The following PRKN variants were observed in gnomAD, a reference collection of about 807,000 sequenced individuals.
PRKN encodes E3 ubiquitin-protein ligase parkin.
Under a neutral mutation model 59.5 loss-of-function variants are expected in PRKN, and 56 were observed. That is an observed-to-expected ratio of 0.94 (90% CI 0.76 to 1.18). The LOEUF (loss-of-function observed/expected upper bound fraction) is 1.18. PRKN is among the 50% of genes most tolerant of loss of function. The probability of loss-of-function intolerance (pLI) is 0.00; values close to 1 mark genes in which losing one functional copy is unlikely to be tolerated. For synonymous variants in PRKN, 250 were observed against 222.1 expected, an observed-to-expected ratio of 1.13 and a Z score of -1.12; for missense variants, 657 against 596.4, an observed-to-expected ratio of 1.10 and a Z score of -1.06.
chr6:161,676,898 G>T (rs1001605403), intron 7 of PRKN, among the ~76,000 whole-genome samples: 1 of 152,192 alleles, frequency 6.6e-6, no homozygotes, highest in African/African-American at 2.4e-5. Context: ...ACAGCTCCTT[G>T]GTGGTGTAAT....
intron 2 of PRKN, among the ~76,000 whole-genome samples, chr6:162,304,533 A>AC (rs1782134546): frequency 7.9e-6 from 1 of 126,512 alleles, no homozygotes; most frequent in African/African-American, 3.5e-5. Context: ...CTATCTATCT[A>AC]TCTATCTATC....
Position 161,981,453 on chromosome 6 carries a change from G to C in PRKN, c.619-8036C>G, listed in dbSNP as rs535826335. 1.1e-3 allele frequency among the ~76,000 whole-genome samples: 175 copies of C among 152,272 alleles called. 2 individuals are homozygous for C. Among genetic ancestry groups the C allele is most frequent in the African/African-American group, 4.0e-3 (168 of 41,548 alleles). On this transcript the variant is annotated intron_variant, in intron 5 of 11. Coordinates refer to ENST00000366898, the MANE Select transcript of PRKN (RefSeq NM_004562.3). Reference sequence around the variant, plus strand: ...CCAGCTATTTGGGAGGCTGAGGCAGGAGGATCGCTTGAGCCCAGGAATTTG... The same window carrying C: ...CCAGCTATTTGGGAGGCTGAGGCAGCAGGATCGCTTGAGCCCAGGAATTTG...
At chr6:162,654,745 T>C (rs1778576209) in intron 1 of PRKN, among the ~76,000 whole-genome samples, 2 of 152,260 alleles carry the variant, frequency 1.3e-5, no homozygotes, top group East Asian at 1.9e-4. Flanking sequence ...CAGTTCCACA[T>C]GGCTGGGGAG....
At chr6:162,144,537 G>A (rs1468515471) in intron 4 of PRKN, among the ~76,000 whole-genome samples, 3 of 152,128 alleles carry the variant, frequency 2.0e-5, no homozygotes, top group Non-Finnish European at 4.4e-5. Context: ...GAGCCTTCCT[G>A]GGAGCTGGCT....
intron 7 of PRKN, among the ~76,000 whole-genome samples, chr6:161,665,225 A>G (rs1784683499): frequency 6.6e-6 from 1 of 152,114 alleles, no homozygotes; most frequent in African/African-American, 2.4e-5. Context: ...ATTTAGTATT[A>G]TGTTCCTAAA....
At chr6:162,616,809 G>C (rs541873648) in intron 1 of PRKN, among the ~76,000 whole-genome samples, 1 of 152,126 alleles carries the variant, frequency 6.6e-6, no homozygotes, top group South Asian at 2.1e-4. Context: ...CAATATAATC[G>C]AGAAATGCTC....
At position 162,322,965 on chromosome 6, in the gene PRKN, A is replaced by G. The variant is rs562092358; in HGVS notation, c.172-60200T>C. ...AAATCATCATTCTCAGTAAACTATC[A>G]CAAGAATGAAAAACCAAACACCGCA... On this transcript the variant is annotated intron_variant, in intron 2 of 11. Transcript: ENST00000366898. Among the ~76,000 whole-genome samples, 218 of 151,444 alleles carry G rather than the reference A, an allele frequency of 1.4e-3. 1 individual carries two copies. Among genetic ancestry groups the G allele is most frequent in the Middle Eastern group, 3.4e-3 (1 of 292 alleles).
chr6:161,437,410 T>C (rs1404554382), intron 9 of PRKN, among the ~76,000 whole-genome samples: 2 of 152,132 alleles, frequency 1.3e-5, no homozygotes, highest in African/African-American at 2.4e-5. Context: ...AATTTAAAAC[T>C]TAGGAAGTGT....
chr6:161,645,983 G>T, intron 7 of PRKN, among the ~76,000 whole-genome samples: 1 of 131,252 alleles, frequency 7.6e-6, no homozygotes, highest in Non-Finnish European at 1.7e-5. Flanking sequence ...GTCACTGCGT[G>T]TGCGTGCGTG....
At chr6:161,494,588 A>C (rs905266898) in intron 9 of PRKN, among the ~76,000 whole-genome samples, 4 of 152,228 alleles carry the variant, frequency 2.6e-5, no homozygotes, top group African/African-American at 9.6e-5. Flanking sequence ...CTGAATTTCT[A>C]GTTTCTTCAT....
chr6:161,443,461 C>T (rs554147918), intron 9 of PRKN, among the ~76,000 whole-genome samples: 21 of 152,266 alleles, frequency 1.4e-4, no homozygotes, highest in African/African-American at 4.1e-4. Context: ...TACCACGAAG[C>T]GCCACAGGGT....
At chr6:162,625,406 T>C (rs991051881) in intron 1 of PRKN, among the ~76,000 whole-genome samples, 13 of 152,208 alleles carry the variant, frequency 8.5e-5, no homozygotes, top group Non-Finnish European at 1.6e-4. Context: ...GACTTTAACA[T>C]GGGGATGGGT....
At chr6:162,710,090 T>G (rs1356908779) in intron 1 of PRKN, among the ~76,000 whole-genome samples, 2 of 152,132 alleles carry the variant, frequency 1.3e-5, no homozygotes, top group Admixed American at 1.3e-4. Flanking sequence ...CCAGGGGTCC[T>G]CAAAGCTGAC....
intron 6 of PRKN, among the ~76,000 whole-genome samples, chr6:161,896,898 C>T (rs1043018129): frequency 2.6e-5 from 4 of 152,116 alleles, no homozygotes; most frequent in Non-Finnish European, 5.9e-5. Flanking sequence ...AGAAGAAAAC[C>T]CGTCATTGTT....
At chr6:161,384,990 T>A (rs1786171930) in intron 10 of PRKN, among the ~76,000 whole-genome samples, 1 of 152,136 alleles carries the variant, frequency 6.6e-6, no homozygotes, top group Non-Finnish European at 1.5e-5. Flanking sequence ...AGTGCAGTGG[T>A]GCGATCTCAG....
chr6:162,453,583 A>G (rs946816440), intron 1 of PRKN, among the ~76,000 whole-genome samples: 1 of 152,052 alleles, frequency 6.6e-6, no homozygotes, highest in African/African-American at 2.4e-5. Context: ...CTCTCTCTCA[A>G]TTTATTACCA....
intron 3 of PRKN, among the ~76,000 whole-genome samples, chr6:162,238,638 G>A (rs1778847815): frequency 6.6e-6 from 1 of 152,162 alleles, no homozygotes. Flanking sequence ...ACTGGGCCAG[G>A]ACCCACTACC....
In PRKN at chr6:162,290,330, G is replaced by A. The variant is rs535562776; in HGVS notation, c.172-27565C>T. Among the ~76,000 whole-genome samples, 260 of 152,240 alleles carry A rather than the reference G, an allele frequency of 1.7e-3. 2 individuals carry two copies. The highest frequency in any genetic ancestry group is 5.6e-3 in the African/African-American group (231 of 41,548). Reference sequence around the variant, plus strand: ...CATTGAATAAGTTTCTTAAACAGACGAGCAAGTCATTTTTCCACTCTTGAG... The same window carrying A: ...CATTGAATAAGTTTCTTAAACAGACAAGCAAGTCATTTTTCCACTCTTGAG... On this transcript the variant is annotated intron_variant, in intron 2 of 11. Transcript: ENST00000366898.
intron 2 of PRKN, among the ~76,000 whole-genome samples, chr6:162,436,071 G>A (rs933116262): frequency 3.4e-5 from 5 of 148,410 alleles, no homozygotes; most frequent in African/African-American, 9.9e-5. Flanking sequence ...AGCGACTTGA[G>A]AGGCTGAGGC....
Sources: allele counts gnomAD v4.1 joint callset (sites outside exome capture counted in the v4.1 genomes callset), GRCh38; gene constraint gnomAD v4.1.1; transcripts MANE v1.5; gene names NCBI Gene and HGNC (gene_info 2026-07-23, HGNC 2026-07-21).